Variants in COQ3 observed in about 807,000 individuals in gnomAD.
COQ3 encodes coenzyme Q3, methyltransferase, also known as ubiquinone biosynthesis O-methyltransferase, mitochondrial.
Under a neutral mutation model 33.1 loss-of-function variants are expected in COQ3, and 29 were observed. The ratio of observed to expected loss-of-function variants is 0.88; its 90% CI spans 0.65 to 1.19. The LOEUF (loss-of-function observed/expected upper bound fraction) is 1.19, where lower values mean the gene tolerates loss of function less well. COQ3 is among the 50% of genes most tolerant of loss of function. The pLI, the probability that COQ3 is intolerant of heterozygous loss-of-function variation, is 0.00. For missense variants in COQ3, 437 were observed against 430.7 expected (o/e 1.01, Z -0.13); for synonymous variants, 173 against 157.8 (o/e 1.10, Z -0.72).
chr6:99,386,140 T>C (rs1330349649), intron 1 of COQ3, among the ~76,000 whole-genome samples: 1 of 150,672 alleles, frequency 6.6e-6, no homozygotes, highest in Non-Finnish European at 1.5e-5. Context: ...TGATAAAAAA[T>C]AGAAATCAGC....
At chr6:99,383,849 G>A (rs1213387496) in intron 1 of COQ3, 25 bp from the exon 2 acceptor site, 1 of 1,540,986 alleles carries the variant, frequency 6.5e-7, no homozygotes, top group East Asian at 2.3e-5. Flanking sequence ...TAAATATCTA[G>A]AGAAAAGCTT....
chr6:99,373,727 C>T (rs1438785276), intron 5 of COQ3, among the ~76,000 whole-genome samples: 1 of 152,152 alleles, frequency 6.6e-6, no homozygotes, highest in Non-Finnish European at 1.5e-5. Flanking sequence ...CACAGTAGCT[C>T]ACGCCTGTAA....
chr6:99,383,741 A>G lies in COQ3; in HGVS notation c.190T>C (p.Tyr64His). ...TTCAAACAGGAAAAGATCGTCCTGT[A>G]GGATTTGAACCATATGGTTCTGTAT... ...NEYRTIWFKS[Y>H]RTIFSCLNRI... Residue 64 changes from tyrosine to histidine, a missense_variant, in exon 2 of 7, where the codon TAC becomes CAC. Transcript: ENST00000254759. 1 of 1,606,172 alleles carries G rather than the reference A, an allele frequency of 6.2e-7. No homozygotes were observed. The highest frequency in any genetic ancestry group is 1.3e-5 in the African/African-American group (1 of 74,662).
At chr6:99,372,300 G>C (rs1774164647) in intron 5 of COQ3, among the ~76,000 whole-genome samples, 1 of 151,978 alleles carries the variant, frequency 6.6e-6, no homozygotes, top group Non-Finnish European at 1.5e-5. Flanking sequence ...AGCTACTCAG[G>C]AGGCTGAGGC....
intron 2 of COQ3, among the ~76,000 whole-genome samples, chr6:99,380,892 G>T (rs894633424): frequency 1.3e-5 from 2 of 151,906 alleles, no homozygotes; most frequent in African/African-American, 4.8e-5. Context: ...CGGCGACAGA[G>T]TGAGACTCTG....
intron 1 of COQ3, among the ~76,000 whole-genome samples, chr6:99,386,733 C>T (rs1017008838): frequency 7.9e-5 from 12 of 152,220 alleles, no homozygotes; most frequent in African/African-American, 2.9e-4. Context: ...CCACAAACTA[C>T]CAAAATTCAT....
chr6:99,394,169 C>A lies in COQ3; in HGVS notation c.11G>T (p.Gly4Val). 6.3e-7 allele frequency: 1 copy of A among 1,598,902 alleles called. No homozygotes were observed. Among genetic ancestry groups the A allele is most frequent in the Non-Finnish European group, 8.5e-7 (1 of 1,172,406 alleles). The change falls in exon 1 of 7, where the codon GGC becomes GTC. Residue 4 changes from glycine (G) to valine (V), a missense_variant. Physicochemically the swap from Gly to Val is moderately radical, Grantham distance 109. Transcript: ENST00000254759. Reference protein sequence around the residue: MWSGRKLGSSGGWF... With the variant: MWSVRKLGSSGGWF... The stretch of plus-strand genomic sequence containing the variant: ...ACCCCCGGAGGAGCCCAGCTTACGG[C>A]CACTCCACATCGCGACAAACGATCC...
intron 2 of COQ3, among the ~76,000 whole-genome samples, chr6:99,382,504 T>C (rs1431758948): frequency 6.6e-6 from 1 of 152,238 alleles, no homozygotes. Flanking sequence ...ATCTTAGGAA[T>C]ATTAGCCCCC....
At chr6:99,384,534 A>G (rs1045540495) in intron 1 of COQ3, among the ~76,000 whole-genome samples, 6 of 152,206 alleles carry the variant, frequency 3.9e-5, no homozygotes, top group African/African-American at 1.4e-4. Flanking sequence ...TCAATTCCAT[A>G]TTAGCTACAT....
intron 1 of COQ3, among the ~76,000 whole-genome samples, chr6:99,389,595 A>C (rs1774766706): frequency 6.6e-6 from 1 of 152,186 alleles, no homozygotes; most frequent in Admixed American, 6.5e-5. Context: ...TGTATGTAAG[A>C]TTCCAGAGGC....
chr6:99,373,839 A>C (rs1774207362), intron 5 of COQ3, among the ~76,000 whole-genome samples: 1 of 152,102 alleles, frequency 6.6e-6, no homozygotes, highest in African/African-American at 2.4e-5. Context: ...AAAAAAGTAA[A>C]ATATAAAATT....
chr6:99,391,274 T>C (rs997146997), intron 1 of COQ3, among the ~76,000 whole-genome samples: 6 of 121,966 alleles, frequency 4.9e-5, no homozygotes, highest in African/African-American at 2.0e-4. Context: ...AAATTTTGTA[T>C]TTTTTTTTTT....
rs1437846265 is a variant in COQ3, at chr6:99,383,684, A to G, written c.233+14T>C. On this transcript the variant is annotated intron_variant, in intron 2 of 6. Coordinates refer to ENST00000254759, the MANE Select transcript of COQ3 (RefSeq NM_017421.4). Reference sequence around the variant, plus strand: ...TAATTACGTGAATATTTGCCACAGTAATAATAAACCCACCTGAAACTCTTT... The same window carrying G: ...TAATTACGTGAATATTTGCCACAGTGATAATAAACCCACCTGAAACTCTTT... 6 of 1,554,642 alleles carry G rather than the reference A, an allele frequency of 3.9e-6. No individual in the cohort carries two copies. Among genetic ancestry groups the G allele is most frequent in the Non-Finnish European group, 5.2e-6 (6 of 1,155,674 alleles).
intron 1 of COQ3, 146 bp from the exon 2 acceptor site, chr6:99,383,970 G>A: frequency 1.8e-6 from 1 of 560,410 alleles, no homozygotes; most frequent in Admixed American, 4.0e-5. Context: ...GCACAATCAT[G>A]GCTCACTGTA....
At chr6:99,391,767 G>A (rs1319029916) in intron 1 of COQ3, among the ~76,000 whole-genome samples, 1 of 152,134 alleles carries the variant, frequency 6.6e-6, no homozygotes, top group Non-Finnish European at 1.5e-5. Context: ...GGGAGACCAA[G>A]GTGGGCGGCC....
At chr6:99,374,817 C>G (rs968351215) in intron 5 of COQ3, among the ~76,000 whole-genome samples, 4 of 152,050 alleles carry the variant, frequency 2.6e-5, no homozygotes, top group African/African-American at 9.7e-5. Flanking sequence ...CCTTTCCTTC[C>G]TCATCTAGTT....
At chr6:99,372,586 G>A (rs1478202941) in intron 5 of COQ3, among the ~76,000 whole-genome samples, 1 of 151,822 alleles carries the variant, frequency 6.6e-6, no homozygotes, top group African/African-American at 2.4e-5. Flanking sequence ...CCCGGCTAAT[G>A]TTTGTATTTT....
chr6:99,383,615 A>T, intron 2 of COQ3, 83 bp downstream of exon 2: 2 of 1,064,784 alleles, frequency 1.9e-6, no homozygotes, highest in South Asian at 3.4e-5. Flanking sequence ...ACTATTACAT[A>T]CTGACTGGGT....
chr6:99,383,781 T>C lies in COQ3; in HGVS notation c.150A>G (p.Pro50=), dbSNP rs778918272. 3 of 1,598,378 alleles carry C rather than the reference T, an allele frequency of 1.9e-6. No individual in the cohort carries two copies. Among genetic ancestry groups the C allele is most frequent in the East Asian group, 2.3e-5 (1 of 44,278 alleles). The part of the protein sequence containing the change: ...NQLSGTLQIK[P]GVFNEYRTIW... ...TGGTTCTGTATTCATTGAAAACCCC[T>C]GGTTTAATCTGTAGAGTCCCACTGA... The change falls in exon 2 of 7, where the codon CCA becomes CCG. Residue 50 remains proline, a synonymous_variant. Coordinates refer to ENST00000254759, the MANE Select transcript of COQ3 (RefSeq NM_017421.4).
Sources: gnomAD v4.1 joint callset for allele counts (sites outside exome capture counted in the v4.1 genomes callset) on GRCh38, gnomAD v4.1.1 for gene constraint, MANE v1.5 for transcripts, NCBI Gene and HGNC (gene_info 2026-07-23, HGNC 2026-07-21) for gene names.